FOCAD: variants seen among roughly 807,000 people sequenced by gnomAD.
FOCAD encodes the protein focadhesin, also known as KIAA1797.
Under a neutral mutation model 225.6 loss-of-function variants are expected in FOCAD, and 198 were observed. The ratio of observed to expected loss-of-function variants is 0.88; its 90% CI spans 0.78 to 0.99. The LOEUF is 0.99. Among genes scored for constraint, FOCAD ranks in the 50% least tolerant of loss-of-function variants. FOCAD has a pLI of 0.00. For synonymous variants in FOCAD, 897 were observed against 755.0 expected (o/e 1.19, Z -3.08); for missense variants, 2,713 against 2,123.6 (o/e 1.28, Z -5.46).
rs1413220128 is a variant in FOCAD, at chr9:20,874,790, C to T, written c.2300C>T (p.Pro767Leu). 3 of 1,613,550 alleles carry T rather than the reference C, an allele frequency of 1.9e-6. No individual in the cohort carries two copies. Among genetic ancestry groups the T allele is most frequent in the Admixed American group, 1.7e-5 (1 of 59,996 alleles). Reference protein sequence around the residue: ...SCYLKLLSLTPPLVLPALEEF... With the variant: ...SCYLKLLSLTLPLVLPALEEF... ...TATCTCAAACTGTTGTCACTCACTC[C>T]CCCTTTGGTTTTACCAGGTGACTCC... Residue 767 changes from proline to leucine, a missense_variant, in exon 19 of 44, where the codon CCC becomes CTC. Physicochemically the swap from Pro to Leu is moderately conservative, Grantham distance 98 (BLOSUM62 -3). Coordinates refer to ENST00000338382, the MANE Select transcript of FOCAD (RefSeq NM_001375567.1).
chr9:20,854,670 C>G (rs1003787027), intron 15 of FOCAD, among the ~76,000 whole-genome samples: 1 of 151,660 alleles, frequency 6.6e-6, no homozygotes, highest in Admixed American at 6.6e-5. Flanking sequence ...TCATTCTCCC[C>G]CAGCAACAAA....
chr9:20,887,383 C>T (rs1295133291), intron 21 of FOCAD, among the ~76,000 whole-genome samples: 4 of 151,918 alleles, frequency 2.6e-5, no homozygotes, highest in South Asian at 2.1e-4. Flanking sequence ...TACAGGCATG[C>T]GCCACCACGC....
intron 15 of FOCAD, among the ~76,000 whole-genome samples, chr9:20,832,607 T>C (rs1825616977): frequency 1.3e-5 from 2 of 152,042 alleles, no homozygotes; most frequent in Non-Finnish European, 2.9e-5. Flanking sequence ...TTGACTGTAG[T>C]CACTCAATTG....
intron 41 of FOCAD, among the ~76,000 whole-genome samples, chr9:20,989,110 A>G (rs1841436721): frequency 6.6e-6 from 1 of 152,178 alleles, no homozygotes; most frequent in African/African-American, 2.4e-5. Flanking sequence ...ATTTTGTAAT[A>G]GCAGAATTTT....
intron 24 of FOCAD, among the ~76,000 whole-genome samples, chr9:20,921,772 A>T (rs376953656): frequency 2.0e-5 from 3 of 152,244 alleles, no homozygotes; most frequent in East Asian, 1.9e-4. Flanking sequence ...TGTCAAGACT[A>T]GTGAAGGATT....
chr9:20,900,483 C>T (rs910586542), intron 21 of FOCAD, among the ~76,000 whole-genome samples: 1 of 151,304 alleles, frequency 6.6e-6, no homozygotes, highest in African/African-American at 2.4e-5. Context: ...AAATTTTTTC[C>T]CTAGAAAAGT....
chr9:20,866,887 G>GGTTT, intron 17 of FOCAD, 42 bp from the exon 18 acceptor site: 1 of 451,116 alleles, frequency 2.2e-6, no homozygotes, highest in Non-Finnish European at 3.0e-6. Flanking sequence ...TTGTTTGCTT[G>GGTTT]CTTTTTTTTT....
chr9:20,955,658 G>A (rs1159079553), intron 35 of FOCAD, among the ~76,000 whole-genome samples: 1 of 151,298 alleles, frequency 6.6e-6, no homozygotes, highest in African/African-American at 2.4e-5. Context: ...TCTTGACTAC[G>A]CTAGCCTTAA....
At chr9:20,954,084 T>C (rs1422899850) in intron 35 of FOCAD, among the ~76,000 whole-genome samples, 1 of 152,196 alleles carries the variant, frequency 6.6e-6, no homozygotes, top group Non-Finnish European at 1.5e-5. Flanking sequence ...TCTGGAGTTC[T>C]AGAATTTGTG....
intron 25 of FOCAD, among the ~76,000 whole-genome samples, chr9:20,924,883 T>A (rs558273497): frequency 6.6e-6 from 1 of 152,206 alleles, no homozygotes; most frequent in Non-Finnish European, 1.5e-5. Flanking sequence ...TCATTTATTA[T>A]CCTCATGTCA....
At chr9:20,755,520 A>G (rs1828969090) in intron 5 of FOCAD, among the ~76,000 whole-genome samples, 1 of 152,184 alleles carries the variant, frequency 6.6e-6, no homozygotes, top group African/African-American at 2.4e-5. Context: ...AAGGAGATAG[A>G]TTCTTAGCGG....
chr9:20,963,853 T>TA (rs1411529941), intron 35 of FOCAD, among the ~76,000 whole-genome samples: 1 of 152,190 alleles, frequency 6.6e-6, no homozygotes, highest in African/African-American at 2.4e-5. Context: ...AGCATTTTTT[T>TA]ATCACAGAAG....
chr9:20,944,650 G>T lies in FOCAD; in HGVS notation c.3431G>T (p.Gly1144Val). The change falls in exon 29 of 44, where the codon GGA becomes GTA. Residue 1144 changes from glycine to valine, a missense_variant. Gly to Val is a moderately radical substitution (Grantham distance 109, BLOSUM62 -3). Transcript: ENST00000338382. Reference sequence around the variant, plus strand: ...AGCACGGGCTGTATATTGGGAGTTGGACTTGTTCTGTCCCTCATGAGCCAC... The same window carrying T: ...AGCACGGGCTGTATATTGGGAGTTGTACTTGTTCTGTCCCTCATGAGCCAC... ...EYNTGCILGVGLVLSLMSHSS... is the reference protein window; with the variant it reads ...EYNTGCILGVVLVLSLMSHSS... 1 of 1,613,828 alleles carries T rather than the reference G, an allele frequency of 6.2e-7. No individual in the cohort carries two copies. The highest frequency in any genetic ancestry group is 8.5e-7 in the Non-Finnish European group (1 of 1,179,802).
intron 6 of FOCAD, among the ~76,000 whole-genome samples, chr9:20,759,302 C>T (rs566508761): frequency 5.3e-5 from 8 of 152,316 alleles, no homozygotes; most frequent in African/African-American, 1.9e-4. Context: ...CACTACCTGA[C>T]TTCAAACTAT....
chr9:20,889,538 TCACTTGCC>T (rs1380508294), intron 21 of FOCAD, among the ~76,000 whole-genome samples: 1 of 152,202 alleles, frequency 6.6e-6, no homozygotes, highest in Non-Finnish European at 1.5e-5. Context: ...TCTGCAAAAA[TCACTTGCC>T]CATATATGTT....
chr9:20,753,194 A>G (rs985593957), intron 5 of FOCAD, among the ~76,000 whole-genome samples: 10 of 152,008 alleles, frequency 6.6e-5, no homozygotes, highest in African/African-American at 9.6e-5. Context: ...TTCCAACACT[A>G]TGTTGAATAG....
intron 35 of FOCAD, among the ~76,000 whole-genome samples, chr9:20,960,113 C>T (rs78089678): frequency 6.6e-6 from 1 of 152,122 alleles, no homozygotes; most frequent in African/African-American, 2.4e-5. Flanking sequence ...ATTTATTGGT[C>T]TCTTTGGTCT....
intron 1 of FOCAD, among the ~76,000 whole-genome samples, chr9:20,689,303 C>T (rs1051326084): frequency 2.0e-5 from 3 of 152,128 alleles, no homozygotes; most frequent in African/African-American, 7.2e-5. Context: ...CGATGAATTG[C>T]TCACCCAGAT....
intron 24 of FOCAD, among the ~76,000 whole-genome samples, chr9:20,919,854 A>G (rs1337540727): frequency 6.6e-6 from 1 of 152,086 alleles, no homozygotes; most frequent in African/African-American, 2.4e-5. Context: ...AAAACCATAA[A>G]AACCCTAGAA....
Sources: allele counts gnomAD v4.1 joint callset (sites outside exome capture counted in the v4.1 genomes callset), GRCh38; gene constraint gnomAD v4.1.1; transcripts MANE v1.5; gene names NCBI Gene and HGNC (gene_info 2026-07-23, HGNC 2026-07-21).